The following EFHC2 variants were observed in gnomAD, a reference collection of about 807,000 sequenced individuals.
EFHC2 encodes EF-hand domain containing 2.
EFHC2 carries 18 observed loss-of-function variants against 52.7 expected under a neutral mutation model. The observed-to-expected ratio is 0.34, with a 90% CI of 0.24 to 0.51. EFHC2 has a LOEUF of 0.51. Among genes scored for constraint, EFHC2 ranks in the 20% least tolerant of loss-of-function variants. The pLI is 0.97. For missense variants in EFHC2, 513 were observed against 562.5 expected (o/e 0.91, Z 0.89); for synonymous variants, 203 against 204.1 (o/e 0.99, Z 0.04).
chrX:44,235,300 C>T lies in EFHC2; in HGVS notation c.1423+5G>A. The T allele has an allele frequency of 8.6e-7, 1 of 1,159,906 alleles. No individual in the cohort carries two copies. The highest frequency in any genetic ancestry group is 1.2e-6 in the Non-Finnish European group (1 of 869,221). On this transcript the variant is annotated splice_donor_5th_base_variant and intron_variant, in intron 9 of 14. Coordinates refer to ENST00000420999, the MANE Select transcript of EFHC2 (RefSeq NM_025184.4). ...AGAAAATACTGTGAAGAGTATATCT[C>T]TTACCTGAATTCCTCTCTATAGGTT...
At chrX:44,329,424 C>T (rs1243531716) in intron 1 of EFHC2, among the ~76,000 whole-genome samples, 1 of 111,339 alleles carries the variant, frequency 9.0e-6, no homozygotes, top group Non-Finnish European at 1.9e-5. Flanking sequence ...GAACAGACAA[C>T]TCAAAAGACA....
At chrX:44,254,998 C>A (rs1033790333) in intron 4 of EFHC2, among the ~76,000 whole-genome samples, 8 of 111,706 alleles carry the variant, frequency 7.2e-5, no homozygotes, top group Non-Finnish European at 9.4e-5. Context: ...AATTTTCAAC[C>A]CAGAATTTCA....
At chrX:44,227,158 T>C (rs2037239543) in intron 11 of EFHC2, among the ~76,000 whole-genome samples, 1 of 111,065 alleles carries the variant, frequency 9.0e-6, no homozygotes, top group Non-Finnish European at 1.9e-5. Context: ...AGAGGTTATA[T>C]TCTGATGAGG....
At chrX:44,239,036 G>T (rs189336773) in intron 8 of EFHC2, among the ~76,000 whole-genome samples, 100 of 111,120 alleles carry the variant, frequency 9.0e-4, no homozygotes, top group African/African-American at 3.2e-3. Context: ...CTCATCCAGG[G>T]CTATACACCT....
intron 1 of EFHC2, 94 bp from the exon 2 acceptor site, chrX:44,312,850 T>C: frequency 1.1e-6 from 1 of 871,774 alleles, no homozygotes; most frequent in Non-Finnish European, 1.5e-6. Context: ...TCTTACCATG[T>C]ATTTTTCCCT....
intron 2 of EFHC2, among the ~76,000 whole-genome samples, chrX:44,296,963 T>C (rs1364470627): frequency 8.9e-6 from 1 of 112,182 alleles, no homozygotes; most frequent in Non-Finnish European, 1.9e-5. Context: ...GCAAGAATCC[T>C]GTAGCACAAA....
intron 14 of EFHC2, among the ~76,000 whole-genome samples, chrX:44,150,947 A>G (rs755041123): frequency 1.8e-5 from 2 of 111,019 alleles, no homozygotes; most frequent in African/African-American, 3.3e-5. Context: ...CCCTAATCCA[A>G]TATGACTGGC....
chrX:44,192,764 T>A (rs1255698904), intron 11 of EFHC2, among the ~76,000 whole-genome samples: 1 of 111,592 alleles, frequency 9.0e-6, no homozygotes, highest in East Asian at 2.8e-4. Context: ...TTAGTGCCTC[T>A]AATTTTTAAT....
At chrX:44,275,290 C>A (rs1174150569) in intron 2 of EFHC2, among the ~76,000 whole-genome samples, 2 of 111,519 alleles carry the variant, frequency 1.8e-5, no homozygotes, top group Non-Finnish European at 3.8e-5. Flanking sequence ...ACTGATATTT[C>A]ATAGTCTGCT....
chrX:44,283,675 C>T (rs73628331), intron 2 of EFHC2, among the ~76,000 whole-genome samples: 1,799 of 42,591 alleles, frequency 0.042, 113 homozygotes, highest in African/African-American at 0.17. Context: ...ACGGAAGTAC[C>T]TTTTTTTTTT....
intron 2 of EFHC2, among the ~76,000 whole-genome samples, chrX:44,299,482 A>C (rs983961428): frequency 8.9e-6 from 1 of 111,919 alleles, no homozygotes; most frequent in East Asian, 2.8e-4. Context: ...TAACTCCTTC[A>C]ACCAATTGCC....
chrX:44,182,472 C>T (rs781324152), intron 11 of EFHC2, among the ~76,000 whole-genome samples: 64 of 112,042 alleles, frequency 5.7e-4, no homozygotes, highest in Non-Finnish European at 9.4e-4. Context: ...AGTGAAACTC[C>T]TCAGTCACAG....
intron 11 of EFHC2, among the ~76,000 whole-genome samples, chrX:44,218,305 T>C (rs902194510): frequency 9.0e-6 from 1 of 111,018 alleles, no homozygotes; most frequent in African/African-American, 3.3e-5. Context: ...GCCAGTATTT[T>C]AGCTTCCTTT....
intron 11 of EFHC2, among the ~76,000 whole-genome samples, chrX:44,191,361 G>A (rs766440421): frequency 1.4e-4 from 15 of 110,564 alleles, no homozygotes; most frequent in Non-Finnish European, 2.1e-4. Flanking sequence ...TCAGTCTCCC[G>A]AGTAGCTGGA....
At chrX:44,191,998 A>G (rs183737562) in intron 11 of EFHC2, among the ~76,000 whole-genome samples, 1 of 107,772 alleles carries the variant, frequency 9.3e-6, no homozygotes, top group African/African-American at 3.4e-5. Context: ...TACCTTTTTA[A>G]TTTTTCTAAT....
chrX:44,292,849 AT>A (rs1194372421), intron 2 of EFHC2, among the ~76,000 whole-genome samples: 1 of 110,525 alleles, frequency 9.0e-6, no homozygotes, highest in Non-Finnish European at 1.9e-5. Context: ...TTCTACCATG[AT>A]TGGAAGCTTC....
At chrX:44,310,271 A>T in intron 2 of EFHC2, 22 of 851,119 alleles carry the variant, frequency 2.6e-5, no homozygotes, top group African/African-American at 5.5e-5. Context: ...GCAGCGGCTC[A>T]TCCTCCACGC....
Position 44,148,908 on chromosome X carries a change from C to A in EFHC2, c.2149-12G>T, listed in dbSNP as rs748533621. 3.5e-5 allele frequency: 40 copies of A among 1,140,847 alleles called. No homozygotes were observed. The South Asian group carries it at 3.6e-4, about 10-fold the overall frequency. The allele number at this position is 1,140,847 out of a possible 1,213,427, so 94.0% of individuals were successfully genotyped here. A position where few individuals can be genotyped will look rare whatever the true frequency, so the allele number is the denominator to read the frequency against. On this transcript the variant is annotated splice_polypyrimidine_tract_variant and intron_variant, in intron 14 of 14. Transcript: ENST00000420999. Reference sequence around the variant, plus strand: ...ACATCTTCACATCTCTAGAAAAAAACCAAAAATGGATATGATTAGAACCAC... The same window carrying A: ...ACATCTTCACATCTCTAGAAAAAAAACAAAAATGGATATGATTAGAACCAC...
At chrX:44,203,359 G>A (rs1372850277) in intron 11 of EFHC2, among the ~76,000 whole-genome samples, 1 of 110,497 alleles carries the variant, frequency 9.1e-6, no homozygotes, top group Non-Finnish European at 1.9e-5. Flanking sequence ...GACAGACCTC[G>A]GAGTTACCCT....
Sources: gnomAD v4.1 joint callset for allele counts (sites outside exome capture counted in the v4.1 genomes callset) on GRCh38, gnomAD v4.1.1 for gene constraint, MANE v1.5 for transcripts, NCBI Gene and HGNC (gene_info 2026-07-23, HGNC 2026-07-21) for gene names.